LDAH: variants seen among roughly 807,000 people sequenced by gnomAD.
LDAH encodes the protein lipid droplet-associated hydrolase.
In LDAH, 26 loss-of-function variants were observed where a neutral mutation model predicts 29.6. The ratio of observed to expected loss-of-function variants is 0.88; its 90% confidence interval spans 0.64 to 1.22. LDAH has a LOEUF of 1.22. LDAH is among the 50% of genes most tolerant of loss of function. LDAH has a pLI of 0.00. For synonymous variants in LDAH, 117 were observed against 133.0 expected, an observed-to-expected ratio of 0.88 and a Z score of 0.83; for missense variants, 344 against 387.3, an observed-to-expected ratio of 0.89 and a Z score of 0.94.
chr2:20,769,840 C>T (rs1389527515), intron 4 of LDAH, among the ~76,000 whole-genome samples: 2 of 151,958 alleles, frequency 1.3e-5, no homozygotes, highest in African/African-American at 2.4e-5. Context: ...TTCATTCCTA[C>T]TGAAAAAAAT....
intron 5 of LDAH, among the ~76,000 whole-genome samples, chr2:20,728,637 A>T (rs1666184485): frequency 6.6e-6 from 1 of 152,140 alleles, no homozygotes; most frequent in Non-Finnish European, 1.5e-5. Context: ...TGTGAGGGTT[A>T]TTGCAAGAGG....
chr2:20,750,029 T>TTC (rs970724286), intron 4 of LDAH, among the ~76,000 whole-genome samples: 4 of 141,318 alleles, frequency 2.8e-5, no homozygotes, highest in African/African-American at 1.2e-4. Flanking sequence ...TAAACTTTTT[T>TTC]TTTTTTTTTT....
chr2:20,760,219 A>C (rs1232199405), intron 4 of LDAH, among the ~76,000 whole-genome samples: 2 of 152,132 alleles, frequency 1.3e-5, no homozygotes, highest in African/African-American at 4.8e-5. Context: ...AGCAGGGAAA[A>C]GTGACAGGGG....
intron 3 of LDAH, among the ~76,000 whole-genome samples, chr2:20,787,115 C>T (rs2125061185): frequency 6.6e-6 from 1 of 152,240 alleles, no homozygotes. Flanking sequence ...ATCAAAATCA[C>T]CATTTATGTA....
At chr2:20,747,032 T>G (rs1303692767) in intron 4 of LDAH, among the ~76,000 whole-genome samples, 1 of 152,132 alleles carries the variant, frequency 6.6e-6, no homozygotes, top group Non-Finnish European at 1.5e-5. Flanking sequence ...ATTATTATTG[T>G]TGTAATCATT....
chr2:20,788,409 G>C (rs560612359), intron 3 of LDAH, among the ~76,000 whole-genome samples: 1 of 152,132 alleles, frequency 6.6e-6, no homozygotes. Flanking sequence ...ACAAAAAATT[G>C]TATCTGATAT....
chr2:20,691,021 CA>C (rs1662978248), intron 6 of LDAH, among the ~76,000 whole-genome samples: 1 of 152,152 alleles, frequency 6.6e-6, no homozygotes, highest in South Asian at 2.1e-4. Context: ...CCACAGACAA[CA>C]TTCCTAACTT....
chr2:20,728,887 A>G (rs1279931582), intron 5 of LDAH, among the ~76,000 whole-genome samples: 1 of 152,162 alleles, frequency 6.6e-6, no homozygotes, highest in African/African-American at 2.4e-5. Flanking sequence ...GAGCCAAGGG[A>G]TTAAAAGATC....
rs958712940 is a variant in LDAH at position 20,742,299 on chromosome 2, G to A, written c.469-2094C>T. On this transcript the variant is annotated intron_variant, in intron 4 of 6. Transcript: ENST00000237822. ...TTGTTGGATGAAGTAGTCTATAGAC[G>A]TCAATTATATCAAGTTGATTGATGG... Among the ~76,000 whole-genome samples the A allele has an allele frequency of 4.6e-5, 7 of 152,186 alleles. No individual in the cohort carries two copies. In the South Asian group the frequency reaches 6.2e-4, roughly 14 times the overall value.
chr2:20,770,538 T>C (rs1276043881), intron 4 of LDAH, among the ~76,000 whole-genome samples: 1 of 152,188 alleles, frequency 6.6e-6, no homozygotes, highest in Non-Finnish European at 1.5e-5. Context: ...TTTTAACATA[T>C]AGAGGGTTGA....
chr2:20,759,067 G>C (rs1668514474), intron 4 of LDAH, among the ~76,000 whole-genome samples: 1 of 152,158 alleles, frequency 6.6e-6, no homozygotes, highest in Non-Finnish European at 1.5e-5. Flanking sequence ...ATCTTCCTAA[G>C]GGTAGTAGAT....
intron 4 of LDAH, among the ~76,000 whole-genome samples, chr2:20,762,076 T>C (rs1668727703): frequency 6.6e-6 from 1 of 152,124 alleles, no homozygotes; most frequent in African/African-American, 2.4e-5. Flanking sequence ...TATTCTGACA[T>C]CCTTAATATT....
At position 20,784,833 on chromosome 2, in the gene LDAH, G is replaced by C. The variant is rs375975522; in HGVS notation, c.298+5422C>G. 3.3e-5 allele frequency among the ~76,000 whole-genome samples: 5 copies of C among 152,184 alleles called. No individual in the cohort carries two copies. The East Asian group carries it at 7.7e-4, about 24-fold the overall frequency. The stretch of plus-strand genomic sequence containing the variant: ...TCCTGGCAGGTTGAGGCTGCAGTGG[G>C]CCAAGATTGTACCAATGTACTCCAG... On this transcript the variant is annotated intron_variant, in intron 3 of 6. Transcript: ENST00000237822.
In LDAH at chr2:20,774,457, C is replaced by A. The variant is rs368257164; in HGVS notation, c.468+353G>T. On this transcript the variant is annotated intron_variant, in intron 4 of 6. Coordinates refer to ENST00000237822, the MANE Select transcript of LDAH (RefSeq NM_021925.4). ...AAAAGGCAAGAATATTTACAAAATA[C>A]CTTCCCACAAAAGACAGATTCTTGT... Among the ~76,000 whole-genome samples the A allele has an allele frequency of 2.4e-4, 36 of 152,286 alleles. No homozygotes were observed. The East Asian group carries it at 4.4e-3, about 19-fold the overall frequency.
At chr2:20,693,011 G>C (rs1663151141) in intron 6 of LDAH, among the ~76,000 whole-genome samples, 2 of 152,204 alleles carry the variant, frequency 1.3e-5, no homozygotes, top group Admixed American at 1.3e-4. Context: ...AGACTGTACA[G>C]GTCCCTGAGC....
intron 4 of LDAH, among the ~76,000 whole-genome samples, chr2:20,748,233 T>C (rs1313558613): frequency 2.0e-5 from 3 of 152,212 alleles, no homozygotes; most frequent in Non-Finnish European, 4.4e-5. Flanking sequence ...TTTCCATTCA[T>C]GTGAATTATA....
intron 4 of LDAH, among the ~76,000 whole-genome samples, chr2:20,769,983 T>C (rs1669295885): frequency 6.6e-6 from 1 of 152,182 alleles, no homozygotes. Context: ...AAACATTTTT[T>C]TTAAAAAATG....
At chr2:20,806,467 T>C (rs1468237074) in intron 1 of LDAH, among the ~76,000 whole-genome samples, 1 of 152,122 alleles carries the variant, frequency 6.6e-6, no homozygotes, top group Non-Finnish European at 1.5e-5. Context: ...GGTTTGACTT[T>C]TAAAGGCCCA....
rs150842113 is a variant in LDAH at position 20,801,377 on chromosome 2, C to T, written c.87G>A (p.Gly29=). Residue 29 remains glycine (G), a synonymous_variant, in exon 2 of 7, where the codon GGG becomes GGA. Transcript: ENST00000237822. ...GGAETQVLKC[G]PWTDLFHDQS... The stretch of plus-strand genomic sequence containing the variant: ...GATCATGAAAGAGGTCTGTCCAGGG[C>T]CCACATTTTAGAACCTGGGTTTCGG... 2.1e-3 allele frequency: 3,352 copies of T among 1,613,962 alleles called. 106 individuals carry two copies. In the South Asian group the frequency reaches 0.034, roughly 16 times the overall value.
Sources: gnomAD v4.1 joint callset for allele counts (sites outside exome capture counted in the v4.1 genomes callset) on GRCh38, gnomAD v4.1.1 for gene constraint, MANE v1.5 for transcripts, NCBI Gene and HGNC (gene_info 2026-07-23, HGNC 2026-07-21) for gene names.